The following HELQ variants were observed in gnomAD, a reference collection of about 807,000 sequenced individuals.
HELQ encodes helicase, POLQ like.
In HELQ, 77 loss-of-function variants were observed where a neutral mutation model predicts 111.6. That is an observed-to-expected ratio of 0.69 (90% CI 0.57 to 0.83). The LOEUF is 0.83. Ranked by LOEUF, HELQ falls within the 40% of genes least tolerant of loss-of-function variation. The probability of loss-of-function intolerance (pLI) is 0.00; values close to 1 mark genes in which losing one functional copy is unlikely to be tolerated. For missense variants in HELQ, 1,200 were observed against 1,288.5 expected (o/e 0.93, Z 1.05); for synonymous variants, 438 against 454.7 (o/e 0.96, Z 0.47).
intron 10 of HELQ, 50 bp downstream of exon 10, chr4:83,432,075 CA>C (rs772084695): frequency 1.5e-6 from 2 of 1,301,198 alleles, no homozygotes; most frequent in Admixed American, 4.8e-5. Context: ...AGGGCTAGAC[CA>C]ACAACCAAGA....
chr4:83,426,133 T>C (rs1351036173), intron 13 of HELQ, 41 bp from the exon 14 acceptor site: 1 of 1,052,032 alleles, frequency 9.5e-7, no homozygotes, highest in Non-Finnish European at 1.5e-6. Context: ...CATCAAAAAA[T>C]CTGTCATGTG....
Position 83,453,425 on chromosome 4 carries a change from A to C in HELQ, c.818T>G (p.Met273Arg). 6.2e-7 allele frequency: 1 copy of C among 1,603,446 alleles called. No individual in the cohort carries two copies. Among genetic ancestry groups the C allele is most frequent in the Non-Finnish European group, 8.5e-7 (1 of 1,176,612 alleles). ...KSIKDHLKNA[M>R]TGNAKAQTPI... Reference sequence around the variant, plus strand: ...TGTCTGGGCCTTCGCATTTCCAGTCATGGCATTTTTTAGATGATCTTTAAT... The same window carrying C: ...TGTCTGGGCCTTCGCATTTCCAGTCCTGGCATTTTTTAGATGATCTTTAAT... Residue 273 changes from methionine to arginine, a missense_variant, in exon 2 of 18, where the codon ATG becomes AGG. Physicochemically the swap from Met to Arg is moderately conservative, Grantham distance 91. Coordinates refer to ENST00000295488, the MANE Select transcript of HELQ (RefSeq NM_133636.5).
At chr4:83,447,201 G>C (rs766507323) in intron 3 of HELQ, among the ~76,000 whole-genome samples, 166 bp from the exon 4 acceptor site, 2 of 152,038 alleles carry the variant, frequency 1.3e-5, no homozygotes, top group Non-Finnish European at 2.9e-5. Flanking sequence ...TAAAAAATTC[G>C]CTGGCTGTGG....
At chr4:83,420,815 G>C (rs1395329414) in intron 15 of HELQ, among the ~76,000 whole-genome samples, 2 of 152,056 alleles carry the variant, frequency 1.3e-5, no homozygotes, top group Non-Finnish European at 2.9e-5. Context: ...GCACATGTCT[G>C]TGATCCCAGC....
chr4:83,426,906 CAT>C (rs1458685303), intron 13 of HELQ, among the ~76,000 whole-genome samples: 1 of 152,222 alleles, frequency 6.6e-6, no homozygotes, highest in African/African-American at 2.4e-5. Flanking sequence ...ACAGTAAAAT[CAT>C]AATATACTGT....
intron 17 of HELQ, 76 bp downstream of exon 17, chr4:83,416,655 T>G (rs544991266): frequency 6.4e-6 from 9 of 1,403,432 alleles, no homozygotes; most frequent in Non-Finnish European, 8.8e-6. Flanking sequence ...TGAAATGTTT[T>G]TGTTCTGATG....
At position 83,416,724 on chromosome 4, in the gene HELQ, T is replaced by G. The variant is rs1317336104; in HGVS notation, c.3198+7A>C. ...TATTAAGGTTAAAAAATGGTTTGTT[T>G]GCTTACCTTTGCTGATGAAACAATT... On this transcript the variant is annotated splice_region_variant and intron_variant, in intron 17 of 17. Coordinates refer to ENST00000295488, the MANE Select transcript of HELQ (RefSeq NM_133636.5). 5 of 1,610,912 alleles carry G rather than the reference T, an allele frequency of 3.1e-6. No individual in the cohort carries two copies. The highest frequency in any genetic ancestry group is 2.2e-5 in the South Asian group (2 of 90,228).
At chr4:83,423,533 G>C (rs1352895122) in intron 14 of HELQ, among the ~76,000 whole-genome samples, 2 of 152,106 alleles carry the variant, frequency 1.3e-5, no homozygotes, top group African/African-American at 2.4e-5. Context: ...AGTCAATGTA[G>C]GTTTTTTCTT....
intron 15 of HELQ, among the ~76,000 whole-genome samples, chr4:83,419,507 AAT>A (rs1163439379): frequency 1.4e-5 from 2 of 145,860 alleles, no homozygotes; most frequent in African/African-American, 5.1e-5. Context: ...GATATATATA[AAT>A]GAAGTAAATT....
In HELQ at chr4:83,439,966, C is replaced by T; in HGVS notation, c.1705G>A (p.Ala569Thr). Residue 569 changes from alanine to threonine, a missense_variant, in exon 8 of 18, where the codon GCA becomes ACA. Coordinates refer to ENST00000295488, the MANE Select transcript of HELQ (RefSeq NM_133636.5). ...TTGGGAATAACTTCTGTCACCAATG[C>T]TACCAAGTGATCAGGATCCATCTTT... The part of the protein sequence containing the change: ...LKKMDPDHLV[A>T]LVTEVIPNYS... 1 of 1,611,578 alleles carries T rather than the reference C, an allele frequency of 6.2e-7. No individual in the cohort carries two copies. The highest frequency in any genetic ancestry group is 8.5e-7 in the Non-Finnish European group (1 of 1,178,150).
Position 83,455,541 on chromosome 4 carries a change from C to G in HELQ, c.153G>C (p.Arg51Ser), listed in dbSNP as rs747187823. ...KEEEEMVAEN[R>S]RRKTAGVLPV... ...GCAGTACGCCCGCGGTTTTCCGCCT[C>G]CTGTTCTCAGCCACCATTTCCTCCT... Residue 51 changes from arginine to serine, a missense_variant, in exon 1 of 18, where the codon AGG becomes AGC. Transcript: ENST00000295488. 2 of 1,613,732 alleles carry G rather than the reference C, an allele frequency of 1.2e-6. No individual in the cohort carries two copies. The highest frequency in any genetic ancestry group is 1.7e-6 in the Non-Finnish European group (2 of 1,179,632).
At chr4:83,428,267 G>A (rs1173074809) in intron 12 of HELQ, among the ~76,000 whole-genome samples, 1 of 150,346 alleles carries the variant, frequency 6.7e-6, no homozygotes, top group Non-Finnish European at 1.5e-5. Context: ...TCCTGAAATG[G>A]GACAGGAATA....
intron 9 of HELQ, among the ~76,000 whole-genome samples, chr4:83,435,644 A>AT (rs1184632540): frequency 3.0e-4 from 45 of 152,220 alleles, no homozygotes; most frequent in African/African-American, 1.1e-3. Context: ...AAGAAGTATG[A>AT]TTTACAGGTA....
At chr4:83,455,195 C>T in intron 1 of HELQ, 1 of 1,072,892 alleles carries the variant, frequency 9.3e-7, no homozygotes, top group Non-Finnish European at 1.3e-6. Flanking sequence ...TTAACTGCTG[C>T]GTGCACAACT....
At chr4:83,440,294 T>A (rs973393379) in intron 7 of HELQ, among the ~76,000 whole-genome samples, 2 of 152,126 alleles carry the variant, frequency 1.3e-5, no homozygotes, top group African/African-American at 4.8e-5. Context: ...AAATAGTTAA[T>A]GTTATTAATA....
intron 5 of HELQ, among the ~76,000 whole-genome samples, chr4:83,444,953 A>C (rs1578098948): frequency 6.6e-6 from 1 of 152,234 alleles, no homozygotes; most frequent in East Asian, 1.9e-4. Flanking sequence ...GTGGGTACAC[A>C]GAAGAACTTG....
At chr4:83,433,766 G>C (rs187197975) in intron 9 of HELQ, among the ~76,000 whole-genome samples, 43 of 150,730 alleles carry the variant, frequency 2.9e-4, no homozygotes, top group Non-Finnish European at 5.2e-4. Flanking sequence ...GGAGGATCAC[G>C]AGGTCAATAG....
At chr4:83,429,839 C>A in intron 11 of HELQ, 93 bp from the exon 12 acceptor site, 1 of 694,838 alleles carries the variant, frequency 1.4e-6, no homozygotes, top group Non-Finnish European at 2.4e-6. Flanking sequence ...TTCCATACCT[C>A]AAAGCTATTT....
chr4:83,438,068 G>A (rs1346310915), intron 8 of HELQ, among the ~76,000 whole-genome samples: 1 of 152,046 alleles, frequency 6.6e-6, no homozygotes, highest in Non-Finnish European at 1.5e-5. Context: ...TTACCAAAAT[G>A]AGCAACTCCT....
Sources: gnomAD v4.1 joint callset for allele counts (sites outside exome capture counted in the v4.1 genomes callset) on GRCh38, gnomAD v4.1.1 for gene constraint, MANE v1.5 for transcripts, NCBI Gene and HGNC (gene_info 2026-07-23, HGNC 2026-07-21) for gene names.